Variants in PEBP4 observed in about 807,000 individuals in gnomAD.
PEBP4 encodes the protein phosphatidylethanolamine-binding protein 4.
A neutral mutation model predicts 23.9 loss-of-function variants in PEBP4; 22 were observed. That is an observed-to-expected ratio of 0.92 (90% CI 0.66 to 1.31). The LOEUF is 1.31. PEBP4 is among the 40% of genes most tolerant of loss of function. PEBP4 has a pLI of 0.00. For missense variants in PEBP4, 324 were observed against 281.7 expected, an observed-to-expected ratio of 1.15 and a Z score of -1.07; for synonymous variants, 112 against 99.3, an observed-to-expected ratio of 1.13 and a Z score of -0.76.
intron 3 of PEBP4, among the ~76,000 whole-genome samples, chr8:22,821,552 A>T (rs1239655844): frequency 6.6e-6 from 1 of 152,142 alleles, no homozygotes; most frequent in Non-Finnish European, 1.5e-5. Context: ...ATGCCCTGTA[A>T]ATGAAGTTAG....
At chr8:22,821,472 G>A (rs1172118875) in intron 3 of PEBP4, among the ~76,000 whole-genome samples, 2 of 152,114 alleles carry the variant, frequency 1.3e-5, no homozygotes, top group African/African-American at 4.8e-5. Flanking sequence ...ATGAAGCCAT[G>A]GATATTAGGG....
intron 4 of PEBP4, among the ~76,000 whole-genome samples, chr8:22,735,303 G>A (rs1209020864): frequency 6.6e-6 from 1 of 152,176 alleles, no homozygotes; most frequent in Non-Finnish European, 1.5e-5. Context: ...AGTGATCAGA[G>A]AAAGTTATTG....
intron 3 of PEBP4, among the ~76,000 whole-genome samples, chr8:22,825,836 C>A (rs1236108847): frequency 1.3e-5 from 2 of 152,144 alleles, no homozygotes; most frequent in Non-Finnish European, 2.9e-5. Context: ...TATATCCGTA[C>A]AATGGAACAC....
At chr8:22,831,702 C>T (rs1187786254) in intron 3 of PEBP4, among the ~76,000 whole-genome samples, 2 of 152,134 alleles carry the variant, frequency 1.3e-5, no homozygotes, top group East Asian at 3.9e-4. Flanking sequence ...GGACCCTGCT[C>T]AGGGTGACCA....
intron 4 of PEBP4, among the ~76,000 whole-genome samples, chr8:22,784,906 G>T (rs939169098): frequency 2.0e-5 from 3 of 152,176 alleles, no homozygotes; most frequent in Non-Finnish European, 4.4e-5. Flanking sequence ...CCGGAGGGGG[G>T]ACCGTCAGGA....
intron 3 of PEBP4, among the ~76,000 whole-genome samples, chr8:22,828,529 C>A (rs1231124385): frequency 6.6e-6 from 1 of 152,182 alleles, no homozygotes; most frequent in Admixed American, 6.5e-5. Flanking sequence ...TGGCTTTCCC[C>A]TGAAGATCCC....
intron 3 of PEBP4, among the ~76,000 whole-genome samples, chr8:22,847,240 A>C (rs994191133): frequency 2.0e-5 from 3 of 152,206 alleles, no homozygotes; most frequent in South Asian, 2.1e-4. Flanking sequence ...GCAGGGTCAG[A>C]GCCGAAAGTC....
At chr8:22,767,628 G>A (rs1805636539) in intron 4 of PEBP4, among the ~76,000 whole-genome samples, 1 of 151,750 alleles carries the variant, frequency 6.6e-6, no homozygotes, top group South Asian at 2.1e-4. Flanking sequence ...ATGGGGAGGA[G>A]GTGTGTGGGA....
At chr8:22,809,549 C>G (rs1806573850) in intron 4 of PEBP4, among the ~76,000 whole-genome samples, 1 of 152,092 alleles carries the variant, frequency 6.6e-6, no homozygotes, top group Non-Finnish European at 1.5e-5. Flanking sequence ...GTTTTGGGCT[C>G]CAATCTCAGG....
At chr8:22,870,664 G>A (rs949259767) in intron 3 of PEBP4, among the ~76,000 whole-genome samples, 4 of 152,214 alleles carry the variant, frequency 2.6e-5, no homozygotes, top group Admixed American at 2.0e-4. Context: ...TTGATAGTGA[G>A]TGGTGGGGAG....
At chr8:22,888,801 G>A (rs970032118) in intron 3 of PEBP4, among the ~76,000 whole-genome samples, 3 of 152,146 alleles carry the variant, frequency 2.0e-5, no homozygotes, top group Non-Finnish European at 4.4e-5. Context: ...TGTCCAGCAC[G>A]CCACCAGGCC....
intron 3 of PEBP4, among the ~76,000 whole-genome samples, chr8:22,837,725 A>C (rs1442989615): frequency 6.6e-6 from 1 of 151,880 alleles, no homozygotes; most frequent in African/African-American, 2.4e-5. Context: ...GACTCATCTC[A>C]TCTATGAATA....
chr8:22,883,950 C>G (rs140467820), intron 3 of PEBP4: 1 of 152,150 alleles, frequency 6.6e-6, no homozygotes, highest in African/African-American at 2.4e-5. Context: ...ACCAATTCTC[C>G]GCTCCAGGGT....
intron 3 of PEBP4, among the ~76,000 whole-genome samples, chr8:22,855,272 G>T (rs900623511): frequency 6.6e-6 from 1 of 152,188 alleles, no homozygotes; most frequent in Admixed American, 6.5e-5. Flanking sequence ...ACACCGTGTA[G>T]TGACACTGAG....
At chr8:22,750,709 A>C (rs569350881) in intron 4 of PEBP4, among the ~76,000 whole-genome samples, 1 of 152,196 alleles carries the variant, frequency 6.6e-6, no homozygotes, top group African/African-American at 2.4e-5. Context: ...CAGATGGGCC[A>C]CTTCCCCATC....
chr8:22,786,443 C>T (rs542804068), intron 4 of PEBP4, among the ~76,000 whole-genome samples: 6 of 151,962 alleles, frequency 3.9e-5, no homozygotes, highest in African/African-American at 9.7e-5. Flanking sequence ...CCACCATGTC[C>T]GGCAATTTTT....
intron 3 of PEBP4, among the ~76,000 whole-genome samples, chr8:22,909,200 A>T (rs1808881792): frequency 1.3e-5 from 2 of 152,036 alleles, no homozygotes; most frequent in African/African-American, 4.8e-5. Context: ...CAGCCCCGGG[A>T]GATAGAGGGC....
At chr8:22,726,642 A>C (rs1392054276) in intron 5 of PEBP4, among the ~76,000 whole-genome samples, 1 of 152,120 alleles carries the variant, frequency 6.6e-6, no homozygotes, top group Non-Finnish European at 1.5e-5. Flanking sequence ...CCATCTTCCC[A>C]TTTCCTGGAG....
intron 4 of PEBP4, among the ~76,000 whole-genome samples, chr8:22,813,804 A>C (rs1415312863): frequency 1.3e-5 from 2 of 152,182 alleles, no homozygotes; most frequent in Non-Finnish European, 2.9e-5. Flanking sequence ...TGCCTGTCCT[A>C]GCCTGGCCAG....
Sources: allele counts gnomAD v4.1 joint callset (sites outside exome capture counted in the v4.1 genomes callset), GRCh38; gene constraint gnomAD v4.1.1; transcripts MANE v1.5; gene names NCBI Gene and HGNC (gene_info 2026-07-23, HGNC 2026-07-21).